The following WDR59 variants were observed in gnomAD, a reference collection of about 807,000 sequenced individuals.
The protein encoded by WDR59 is WD repeat domain 59, also known as GATOR2 complex protein WDR59.
A neutral mutation model predicts 131.2 loss-of-function variants in WDR59; 100 were observed. That is an observed-to-expected ratio of 0.76 (90% CI 0.65 to 0.90). WDR59 has a LOEUF of 0.90. Ranked by LOEUF, WDR59 falls within the 40% of genes least tolerant of loss-of-function variation. The probability of loss-of-function intolerance (pLI) is 0.00; values close to 1 mark genes in which losing one functional copy is unlikely to be tolerated. For synonymous variants in WDR59, 601 were observed against 466.2 expected, an observed-to-expected ratio of 1.29 and a Z score of -3.72; for missense variants, 1,203 against 1,262.2, an observed-to-expected ratio of 0.95 and a Z score of 0.71.
At chr16:74,957,080 T>A (rs1445817477) in intron 2 of WDR59, among the ~76,000 whole-genome samples, 1 of 142,424 alleles carries the variant, frequency 7.0e-6, no homozygotes, top group Non-Finnish European at 1.5e-5. Flanking sequence ...TCTTTTTTTT[T>A]CTTTTTTTTT....
chr16:74,875,752 G>C (rs545680223), intron 25 of WDR59, among the ~76,000 whole-genome samples: 1 of 152,060 alleles, frequency 6.6e-6, no homozygotes, highest in Admixed American at 6.5e-5. Flanking sequence ...CCCATCTCCT[G>C]CACCACCTGG....
intron 8 of WDR59, among the ~76,000 whole-genome samples, chr16:74,931,562 C>G (rs1482897261): frequency 1.3e-5 from 2 of 152,130 alleles, no homozygotes; most frequent in Non-Finnish European, 1.5e-5. Flanking sequence ...GTCTCAAACT[C>G]CTAAGTTCAA....
intron 8 of WDR59, among the ~76,000 whole-genome samples, chr16:74,926,651 A>C (rs1045152614): frequency 2.0e-5 from 3 of 152,228 alleles, no homozygotes; most frequent in African/African-American, 7.2e-5. Flanking sequence ...TCAGGCCCAA[A>C]AATCTCTTAC....
intron 3 of WDR59, among the ~76,000 whole-genome samples, chr16:74,952,718 A>G (rs1458545387): frequency 6.6e-6 from 1 of 151,342 alleles, no homozygotes; most frequent in Non-Finnish European, 1.5e-5. Context: ...AGTGATAAAG[A>G]TTACTAGTAG....
At chr16:74,959,262 G>A (rs1399521293) in intron 2 of WDR59, 1 of 281,490 alleles carries the variant, frequency 3.6e-6, no homozygotes, top group African/African-American at 2.3e-5. Context: ...AAAATAACCA[G>A]CCCAGGAAAA....
rs1371857158 is a variant in WDR59 at position 74,916,233 on chromosome 16, A to G, written c.993T>C (p.Gly331=). ...AAATACTCTCAATGAACTCATCAAC[A>G]CCATCTAATATGTCATTTGCACAAA... The part of the protein sequence containing the change: ...QRLCANDILD[G]VDEFIESISL... Residue 331 remains glycine, a synonymous_variant, in exon 12 of 26, where the codon GGT becomes GGC. Transcript: ENST00000262144. 2 of 1,614,050 alleles carry G rather than the reference A, an allele frequency of 1.2e-6. No individual in the cohort carries two copies. Among genetic ancestry groups the G allele is most frequent in the Non-Finnish European group, 1.7e-6 (2 of 1,179,982 alleles).
At chr16:74,984,699 C>A in intron 1 of WDR59, 1 of 518,290 alleles carries the variant, frequency 1.9e-6, no homozygotes, top group Non-Finnish European at 3.5e-6. Flanking sequence ...TCACGATGCG[C>A]AGTCTCTGCC....
chr16:74,876,100 G>C (rs1049114543), intron 25 of WDR59, among the ~76,000 whole-genome samples: 1 of 151,984 alleles, frequency 6.6e-6, no homozygotes, highest in Non-Finnish European at 1.5e-5. Flanking sequence ...CAGAGGGAGG[G>C]TCCTTTCTTC....
chr16:74,912,473 A>T (rs1421051362), intron 13 of WDR59, 111 bp from the exon 14 acceptor site: 1 of 1,136,186 alleles, frequency 8.8e-7, no homozygotes, highest in African/African-American at 1.6e-5. Flanking sequence ...GAAGGGAAAG[A>T]GTCTACAAAG....
intron 2 of WDR59, among the ~76,000 whole-genome samples, chr16:74,964,582 G>T (rs1430629540): frequency 6.6e-6 from 1 of 151,758 alleles, no homozygotes; most frequent in Non-Finnish European, 1.5e-5. Flanking sequence ...TTTTAAAAAA[G>T]GTAAATTAAA....
Position 74,924,022 on chromosome 16 carries a change from G to C in WDR59, c.652-19C>G, listed in dbSNP as rs572269837. On this transcript the variant is annotated intron_variant, in intron 8 of 25. Coordinates refer to ENST00000262144, the MANE Select transcript of WDR59 (RefSeq NM_030581.4). ...CCCAGAACTAGAAGAGAGCAAGCAAGATCATTTGTGAAATAAATGCCATTA... is the reference window on the plus strand; with the variant it reads ...CCCAGAACTAGAAGAGAGCAAGCAACATCATTTGTGAAATAAATGCCATTA... 14 of 1,610,270 alleles carry C rather than the reference G, an allele frequency of 8.7e-6. No individual in the cohort carries two copies. Among genetic ancestry groups the C allele is most frequent in the Middle Eastern group, 1.7e-4 (1 of 6,056 alleles).
chr16:74,918,851 T>C (rs886303178), intron 10 of WDR59, among the ~76,000 whole-genome samples: 7 of 152,160 alleles, frequency 4.6e-5, no homozygotes, highest in African/African-American at 1.4e-4. Context: ...CAAGGGCCAG[T>C]TCTTATTGGT....
At chr16:74,914,521 C>G (rs1966265800) in intron 13 of WDR59, among the ~76,000 whole-genome samples, 2 of 152,048 alleles carry the variant, frequency 1.3e-5, no homozygotes, top group Non-Finnish European at 2.9e-5. Context: ...AGCTGCTGAC[C>G]TTGGACATTT....
At position 74,892,004 on chromosome 16, in the gene WDR59, T is replaced by C. The variant is rs547710752; in HGVS notation, c.2082+480A>G. Among the ~76,000 whole-genome samples, 3 of 152,322 alleles carry C rather than the reference T, an allele frequency of 2.0e-5. No homozygotes were observed. In the East Asian group the frequency reaches 5.8e-4, roughly 29 times the overall value. ...CATGGTAGATGGGCTATATCTCAGT[T>C]AAGCCGTTTAAAAAAATACAGAGAT... On this transcript the variant is annotated intron_variant, in intron 20 of 25. Coordinates refer to ENST00000262144, the MANE Select transcript of WDR59 (RefSeq NM_030581.4).
chr16:74,918,701 T>C (rs1966508813), intron 10 of WDR59, among the ~76,000 whole-genome samples: 1 of 152,182 alleles, frequency 6.6e-6, no homozygotes, highest in African/African-American at 2.4e-5. Context: ...TTATGCAGTA[T>C]CTAGAATCTC....
In WDR59 at chr16:74,985,106, G is replaced by T; in HGVS notation, c.-89C>A. 1 of 1,327,814 alleles carries T rather than the reference G, an allele frequency of 7.5e-7. No homozygotes were observed. Among genetic ancestry groups the T allele is most frequent in the Non-Finnish European group, 1.1e-6 (1 of 948,706 alleles). 82.3% of individuals were successfully genotyped at this position (1,327,814 alleles called of 1,614,324 possible). A position where few individuals can be genotyped will look rare whatever the true frequency, so the allele number is the denominator to read the frequency against. The stretch of plus-strand genomic sequence containing the variant: ...CGGGACCGTGCGCCCCACACAGCCA[G>T]AGAATCAGCCCCGACACGCCCCGTG... On this transcript the variant is annotated 5_prime_UTR_variant, in exon 1 of 26. In the 5' UTR this introduces an upstream ATG that the reference lacks. Coordinates refer to ENST00000262144, the MANE Select transcript of WDR59 (RefSeq NM_030581.4).
chr16:74,922,300 C>A (rs968110854), intron 9 of WDR59, among the ~76,000 whole-genome samples, 197 bp from the exon 10 acceptor site: 5 of 152,164 alleles, frequency 3.3e-5, no homozygotes, highest in African/African-American at 1.2e-4. Context: ...TGGAAGGGAC[C>A]AAAGCAAGTG....
intron 18 of WDR59, among the ~76,000 whole-genome samples, chr16:74,898,591 T>C (rs1250786601): frequency 6.6e-6 from 1 of 152,008 alleles, no homozygotes; most frequent in East Asian, 1.9e-4. Flanking sequence ...TTGGTGCAAA[T>C]AGCACTGAAT....
Position 74,908,953 on chromosome 16 carries a change from G to A in WDR59, c.1667C>T (p.Pro556Leu), listed in dbSNP as rs1439659615. The change falls in exon 17 of 26, where the codon CCC becomes CTC. Residue 556 changes from proline to leucine, a missense_variant. Pro to Leu is a moderately conservative substitution (Grantham distance 98). Coordinates refer to ENST00000262144, the MANE Select transcript of WDR59 (RefSeq NM_030581.4). ...GAGYLVYFTR[P>L]MTMHRAVSPT... ...AGACACCGCCCGATGCATTGTCATG[G>A]GCCTTGTGAAATATACCAGGTAACC... 1.2e-6 allele frequency: 2 copies of A among 1,614,074 alleles called. No individual in the cohort carries two copies. The highest frequency in any genetic ancestry group is 1.3e-5 in the African/African-American group (1 of 75,032).
Sources: allele counts gnomAD v4.1 joint callset (sites outside exome capture counted in the v4.1 genomes callset), GRCh38; gene constraint gnomAD v4.1.1; transcripts MANE v1.5; gene names NCBI Gene and HGNC (gene_info 2026-07-23, HGNC 2026-07-21).